GTF2F2: variants seen among roughly 807,000 people sequenced by gnomAD.
The protein encoded by GTF2F2 is general transcription factor IIF subunit 2, also known as ATP-dependent helicase GTF2F2.
A neutral mutation model predicts 42.2 loss-of-function variants in GTF2F2; 23 were observed. The ratio of observed to expected loss-of-function variants is 0.55; its 90% CI spans 0.39 to 0.77. GTF2F2 has a LOEUF of 0.77. Among genes scored for constraint, GTF2F2 ranks in the 30% least tolerant of loss-of-function variants. The pLI, the probability that GTF2F2 is intolerant of heterozygous loss-of-function variation, is 0.00. For synonymous variants in GTF2F2, 105 were observed against 100.8 expected, an observed-to-expected ratio of 1.04 and a Z score of -0.25; for missense variants, 261 against 287.2, an observed-to-expected ratio of 0.91 and a Z score of 0.66.
intron 1 of GTF2F2, among the ~76,000 whole-genome samples, chr13:45,135,837 A>G (rs567428993): frequency 1.3e-5 from 2 of 152,350 alleles, no homozygotes; most frequent in South Asian, 4.1e-4. Context: ...GTTATGCTTT[A>G]TACTTGGTGT....
At chr13:45,218,778 TAATC>T (rs1365053860) in intron 5 of GTF2F2, among the ~76,000 whole-genome samples, 1 of 152,242 alleles carries the variant, frequency 6.6e-6, no homozygotes. Context: ...TAAATGCTGT[TAATC>T]AAGTCTTTAG....
rs1868585571 is a variant in GTF2F2 at position 45,120,758 on chromosome 13, A to T, written c.66+37A>T. 4 of 1,435,980 alleles carry T rather than the reference A, an allele frequency of 2.8e-6. No homozygotes were observed. The South Asian group carries it at 4.9e-5, about 18-fold the overall frequency. The allele number at this position is 1,435,980 out of a possible 1,614,324, so 89.0% of individuals were successfully genotyped here. On this transcript the variant is annotated intron_variant, in intron 1 of 7. Coordinates refer to ENST00000340473, the MANE Select transcript of GTF2F2 (RefSeq NM_004128.3). Reference sequence around the variant, plus strand: ...GAGTCTCCCACTTGCGCTCCTCCTAACACAAGTATAGTTTAAGTAACTTGA... The same window carrying T: ...GAGTCTCCCACTTGCGCTCCTCCTATCACAAGTATAGTTTAAGTAACTTGA...
chr13:45,209,365 A>G (rs1287208104), intron 5 of GTF2F2, among the ~76,000 whole-genome samples: 10 of 152,254 alleles, frequency 6.6e-5, no homozygotes, highest in Admixed American at 6.5e-4. Flanking sequence ...TTTGCACAAC[A>G]GTGAAATTGC....
intron 5 of GTF2F2, among the ~76,000 whole-genome samples, chr13:45,237,723 A>G (rs575917043): frequency 3.3e-5 from 5 of 152,314 alleles, no homozygotes; most frequent in African/African-American, 1.2e-4. Context: ...TACTCTAAGT[A>G]TTATTTAAGG....
chr13:45,145,482 G>A (rs1870146672), intron 2 of GTF2F2, among the ~76,000 whole-genome samples: 2 of 152,068 alleles, frequency 1.3e-5, no homozygotes, highest in South Asian at 4.1e-4. Context: ...GGCCTTCTCA[G>A]TGAACAGAGC....
chr13:45,203,240 CTT>C (rs534331107), intron 4 of GTF2F2, among the ~76,000 whole-genome samples: 10 of 140,530 alleles, frequency 7.1e-5, no homozygotes, highest in Admixed American at 1.4e-4. Flanking sequence ...CCACGCCCAC[CTT>C]TTTTTTTTTT....
In GTF2F2 at chr13:45,273,655, A is replaced by T. The variant is rs868700547; in HGVS notation, c.630+6279A>T. Among the ~76,000 whole-genome samples, 675 of 123,848 alleles carry T rather than the reference A, an allele frequency of 5.5e-3. 4 individuals are homozygous for T. The highest frequency in any genetic ancestry group is 8.1e-3 in the Middle Eastern group (2 of 246). 81.2% of individuals were successfully genotyped at this position (123,848 alleles called of 152,430 possible). On this transcript the variant is annotated intron_variant, in intron 7 of 7. Transcript: ENST00000340473. ...CCACTTGATTTTAAAGAGTGGTAAAATTTTTTTTTTTTTTTTTGAGACGGA... is the reference window on the plus strand; with the variant it reads ...CCACTTGATTTTAAAGAGTGGTAAATTTTTTTTTTTTTTTTTTGAGACGGA...
At chr13:45,227,350 T>C (rs1311605037) in intron 5 of GTF2F2, among the ~76,000 whole-genome samples, 6 of 152,336 alleles carry the variant, frequency 3.9e-5, no homozygotes, top group Non-Finnish European at 8.8e-5. Flanking sequence ...CAGAGATAGA[T>C]AGTAACTTAT....
chr13:45,243,975 T>C (rs1241772360), intron 5 of GTF2F2, among the ~76,000 whole-genome samples: 1 of 152,244 alleles, frequency 6.6e-6, no homozygotes, highest in Non-Finnish European at 1.5e-5. Flanking sequence ...TTTTGTTTTT[T>C]TAAACAAATA....
chr13:45,212,427 T>G (rs1013775018), intron 5 of GTF2F2, among the ~76,000 whole-genome samples: 12 of 142,448 alleles, frequency 8.4e-5, no homozygotes, highest in South Asian at 2.4e-4. Flanking sequence ...AGGATTGATT[T>G]CTTTCTTTCT....
chr13:45,197,509 CAAAAAAAAAA>C (rs1195927657), intron 4 of GTF2F2, among the ~76,000 whole-genome samples: 1 of 91,502 alleles, frequency 1.1e-5, no homozygotes, highest in Non-Finnish European at 2.2e-5. Context: ...ACCCTGTCTC[CAAAAAAAAAA>C]AAAAAAAGGC....
chr13:45,196,076 ATTTTC>A (rs1397542078), intron 4 of GTF2F2, among the ~76,000 whole-genome samples: 1 of 152,176 alleles, frequency 6.6e-6, no homozygotes, highest in Non-Finnish European at 1.5e-5. Flanking sequence ...CATACTTCTT[ATTTTC>A]TTTAAACAAT....
chr13:45,145,223 G>A (rs955740072), intron 2 of GTF2F2, among the ~76,000 whole-genome samples: 1 of 152,178 alleles, frequency 6.6e-6, no homozygotes, highest in Non-Finnish European at 1.5e-5. Context: ...ATAGGTGAGT[G>A]ATGGAAAGAT....
intron 5 of GTF2F2, among the ~76,000 whole-genome samples, chr13:45,221,172 G>A (rs560339486): frequency 2.1e-4 from 32 of 152,068 alleles, no homozygotes; most frequent in Non-Finnish European, 3.7e-4. Context: ...TGTCCTCCCT[G>A]CCCCCAGTCT....
chr13:45,277,283 G>A (rs954381768), intron 7 of GTF2F2, among the ~76,000 whole-genome samples: 5 of 152,148 alleles, frequency 3.3e-5, no homozygotes, highest in South Asian at 2.1e-4. Context: ...CAGGCTGTAC[G>A]GGAAGTATGA....
chr13:45,214,428 C>G (rs1259686490), intron 5 of GTF2F2, among the ~76,000 whole-genome samples: 2 of 152,100 alleles, frequency 1.3e-5, no homozygotes. Flanking sequence ...GATCCCCTCA[C>G]ATAATAAAAA....
At chr13:45,122,002 A>G (rs528753137) in intron 1 of GTF2F2, among the ~76,000 whole-genome samples, 5 of 152,322 alleles carry the variant, frequency 3.3e-5, no homozygotes, top group East Asian at 3.9e-4. Context: ...TAAATGCTCA[A>G]TGTTTGTCTT....
chr13:45,197,384 C>T (rs117014769), intron 4 of GTF2F2, among the ~76,000 whole-genome samples: 1,889 of 150,686 alleles, frequency 0.013, 20 homozygotes, highest in Middle Eastern at 0.065. Flanking sequence ...TGGTGTATGT[C>T]TGTAGTCCCA....
intron 6 of GTF2F2, among the ~76,000 whole-genome samples, chr13:45,265,587 C>T (rs890219804): frequency 2.0e-5 from 3 of 152,152 alleles, no homozygotes; most frequent in African/African-American, 7.2e-5. Flanking sequence ...AGTCCTTTCC[C>T]TTTGTCTCAC....
Sources: allele counts gnomAD v4.1 joint callset (sites outside exome capture counted in the v4.1 genomes callset), GRCh38; gene constraint gnomAD v4.1.1; transcripts MANE v1.5; gene names NCBI Gene and HGNC (gene_info 2026-07-23, HGNC 2026-07-21).